Variants in SHANK2 observed in about 807,000 individuals in gnomAD.
SHANK2 encodes SH3 and multiple ankyrin repeat domains 2, also known as SH3 and multiple ankyrin repeat domains protein 2.
In SHANK2, 43 loss-of-function variants were observed where a neutral mutation model predicts 133.7. The ratio of observed to expected loss-of-function variants is 0.32; its 90% confidence interval spans 0.25 to 0.41. The LOEUF is 0.41. Ranked by LOEUF, SHANK2 falls within the 10% of genes least tolerant of loss-of-function variation. The probability of loss-of-function intolerance (pLI) is 1.00; values close to 1 mark genes in which losing one functional copy is unlikely to be tolerated. For synonymous variants in SHANK2, 1,017 were observed against 952.8 expected, an observed-to-expected ratio of 1.07 and a Z score of -1.24; for missense variants, 1,994 against 2,235.8, an observed-to-expected ratio of 0.89 and a Z score of 2.18.
chr11:71,105,585 CAGTCTAAAAAA>C (rs1461136487), intron 6 of SHANK2, among the ~76,000 whole-genome samples: 3 of 103,842 alleles, frequency 2.9e-5, no homozygotes, highest in African/African-American at 1.2e-4. Flanking sequence ...GAGAGAGACT[CAGTCTAAAAAA>C]AAAAAAAAAA....
chr11:70,535,464 G>A lies in SHANK2; in HGVS notation c.2062-32533C>T, dbSNP rs576715488. Among the ~76,000 whole-genome samples, 4 of 151,550 alleles carry A rather than the reference G, an allele frequency of 2.6e-5. No individual in the cohort carries two copies. Among genetic ancestry groups the A allele is most frequent in the East Asian group, 3.9e-4 (2 of 5,158 alleles). ...CATCCATCAGTCCAACCATCAGTCCGTCCGTCCATCCATCCATCCATCCAT... is the reference window on the plus strand; with the variant it reads ...CATCCATCAGTCCAACCATCAGTCCATCCGTCCATCCATCCATCCATCCAT... On this transcript the variant is annotated intron_variant, in intron 17 of 25. Coordinates refer to ENST00000601538, the MANE Select transcript of SHANK2 (RefSeq NM_012309.5). This position sits in a 1 kb window ranked among gnomAD's most constrained non-coding sequence, Gnocchi z 4.3.
chr11:70,917,997 A>G (rs1950292787), intron 10 of SHANK2, among the ~76,000 whole-genome samples: 5 of 148,338 alleles, frequency 3.4e-5, no homozygotes, highest in Non-Finnish European at 7.4e-5. Context: ...CGTTCTGCAC[A>G]TATACCCCTG....
At chr11:70,580,900 G>GAA (rs2060176338) in intron 17 of SHANK2, among the ~76,000 whole-genome samples, 2 of 152,228 alleles carry the variant, frequency 1.3e-5, no homozygotes, top group Non-Finnish European at 2.9e-5. Flanking sequence ...GGATGCTGCA[G>GAA]CACACACGTG....
intron 17 of SHANK2, among the ~76,000 whole-genome samples, chr11:70,632,599 A>AT (rs1246927224): frequency 6.6e-6 from 1 of 151,668 alleles, no homozygotes; most frequent in African/African-American, 2.4e-5. Context: ...ATCTCCCCAC[A>AT]TACCATTTTC....
intron 2 of SHANK2, among the ~76,000 whole-genome samples, chr11:71,180,568 C>T (rs909578681): frequency 6.6e-6 from 1 of 152,164 alleles, no homozygotes; most frequent in Non-Finnish European, 1.5e-5. Flanking sequence ...AAAAACCCCA[C>T]ACACAAAGTT....
chr11:70,749,172 T>C (rs782161186), intron 14 of SHANK2, among the ~76,000 whole-genome samples: 7 of 152,142 alleles, frequency 4.6e-5, no homozygotes, highest in Non-Finnish European at 8.8e-5. Context: ...GGCTGAAGGA[T>C]TCAGGGGAAG....
intron 17 of SHANK2, among the ~76,000 whole-genome samples, chr11:70,518,167 A>T (rs2059288535): frequency 1.3e-5 from 2 of 152,142 alleles, no homozygotes; most frequent in Admixed American, 6.5e-5. Context: ...GAGAGCACCC[A>T]CCCAGCCCCT....
intron 14 of SHANK2, among the ~76,000 whole-genome samples, chr11:70,748,032 G>T (rs908496951): frequency 6.7e-6 from 1 of 148,684 alleles, no homozygotes; most frequent in Non-Finnish European, 1.5e-5. Flanking sequence ...GAGCTGAAAC[G>T]GGGGTTATCT....
In SHANK2 at chr11:70,490,392, A is replaced by G. The variant is rs782695113; in HGVS notation, c.2440-5T>C. 2.5e-6 allele frequency: 4 copies of G among 1,613,186 alleles called. No individual in the cohort carries two copies. In the African/African-American group the frequency reaches 5.3e-5, roughly 22 times the overall value. ...TCCTTGGCGTTCGTACACAGACTGC[A>G]AACCAGAGAGCCTAGGGTGAGACGC... is the stretch of plus-strand genomic sequence containing the variant. On this transcript the variant is annotated splice_region_variant and splice_polypyrimidine_tract_variant and intron_variant, in intron 22 of 25. Transcript: ENST00000601538.
rs1057315103 is a variant in SHANK2 at position 70,479,348 on chromosome 11, C to G, written c.4980-5909G>C. Among the ~76,000 whole-genome samples, 1 of 152,180 alleles carries G rather than the reference C, an allele frequency of 6.6e-6. No homozygotes were observed. The highest frequency in any genetic ancestry group is 2.4e-5 in the African/African-American group (1 of 41,440). ...CCAAAGTTATTTGAAAATCAAGAGG[C>G]TGTCAGGATAATACTGCAGAGAGCC... On this transcript the variant is annotated intron_variant, in intron 25 of 25. Transcript: ENST00000601538. This position sits in a 1 kb window ranked among gnomAD's most constrained non-coding sequence, Gnocchi z 4.4.
At chr11:70,629,224 C>T (rs1056997512) in intron 17 of SHANK2, among the ~76,000 whole-genome samples, 5 of 152,150 alleles carry the variant, frequency 3.3e-5, no homozygotes, top group South Asian at 2.1e-4. Context: ...GTGTGTTCTC[C>T]GCTGAGCCAC....
At chr11:70,877,049 G>T (rs1342938756) in intron 11 of SHANK2, among the ~76,000 whole-genome samples, 1 of 152,166 alleles carries the variant, frequency 6.6e-6, no homozygotes, top group Non-Finnish European at 1.5e-5. Flanking sequence ...ATTGCTTCCT[G>T]TCCCAGCCAC....
Position 70,667,834 on chromosome 11 carries a change from CCA to C in SHANK2, c.1854-6158_1854-6157del, listed in dbSNP as rs1463918103. 2.5e-4 allele frequency: 38 copies of C among 152,186 alleles called. 2 individuals carry two copies. Among genetic ancestry groups the C allele is most frequent in the Admixed American group, 2.5e-3 (38 of 15,282 alleles). 9.4% of individuals were successfully genotyped at this position (152,186 alleles called of 1,614,324 possible). ...GATGTGGACATTTTAACTCTGAACA[CCA>C]GTGTTATTGGGGTAGACCAGATGGC... On this transcript the variant is annotated intron_variant, in intron 15 of 25. Coordinates refer to ENST00000601538, the MANE Select transcript of SHANK2 (RefSeq NM_012309.5).
intron 8 of SHANK2, among the ~76,000 whole-genome samples, chr11:71,089,868 C>T (rs1305606508): frequency 2.6e-5 from 4 of 152,140 alleles, no homozygotes; most frequent in African/African-American, 7.2e-5. Flanking sequence ...GGGCTGGAAC[C>T]GTTGGTTGAC....
intron 5 of SHANK2, among the ~76,000 whole-genome samples, chr11:71,111,583 C>T (rs1951892923): frequency 6.6e-6 from 1 of 152,180 alleles, no homozygotes; most frequent in African/African-American, 2.4e-5. Flanking sequence ...AATTCTTTGC[C>T]CCTACTCCGT....
intron 2 of SHANK2, among the ~76,000 whole-genome samples, chr11:71,179,464 C>T (rs1254820823): frequency 2.6e-5 from 4 of 152,190 alleles, no homozygotes; most frequent in Admixed American, 6.5e-5. Context: ...TCTTCTCAGC[C>T]TGAGAAAAGG....
chr11:70,955,087 C>T (rs182696942), intron 10 of SHANK2, among the ~76,000 whole-genome samples: 1 of 152,358 alleles, frequency 6.6e-6, no homozygotes, highest in African/African-American at 2.4e-5. Flanking sequence ...TCATCCTTGT[C>T]CTTCCCTGCC....
intron 2 of SHANK2, among the ~76,000 whole-genome samples, chr11:71,157,865 G>A (rs1424809663): frequency 6.6e-6 from 1 of 152,138 alleles, no homozygotes; most frequent in Non-Finnish European, 1.5e-5. Flanking sequence ...ACAACCTACA[G>A]AGAAGGAAAC....
chr11:70,866,416 G>A (rs1189206769), intron 11 of SHANK2, among the ~76,000 whole-genome samples: 1 of 152,186 alleles, frequency 6.6e-6, no homozygotes, highest in Non-Finnish European at 1.5e-5. Flanking sequence ...TTAGGATTCT[G>A]AGAACGAGAT....
Sources: gnomAD v4.1 joint callset for allele counts (sites outside exome capture counted in the v4.1 genomes callset) on GRCh38, gnomAD v4.1.1 for gene constraint, Gnocchi (gnomAD v3.1) non-coding constraint, MANE v1.5 for transcripts, NCBI Gene and HGNC (gene_info 2026-07-23, HGNC 2026-07-21) for gene names.